Variants in LIPK observed in about 807,000 individuals in gnomAD.
The protein encoded by LIPK is lipase member K.
Under a neutral mutation model 48.6 loss-of-function variants are expected in LIPK, and 32 were observed. That is an observed-to-expected ratio of 0.66 (90% CI 0.50 to 0.88). The LOEUF is 0.88. LIPK is among the 40% of genes least tolerant of loss of function. The probability of loss-of-function intolerance (pLI) is 0.00; values close to 1 mark genes in which losing one functional copy is unlikely to be tolerated. For missense variants in LIPK, 507 were observed against 478.5 expected, an observed-to-expected ratio of 1.06 and a Z score of -0.56; for synonymous variants, 164 against 157.4, an observed-to-expected ratio of 1.04 and a Z score of -0.32.
In LIPK at chr10:88,726,787, C is replaced by T; in HGVS notation, c.106-8C>T. ...CATGAAGGTATATATTTCCTTTCCT[C>T]TTTTTAGAGCCAGATTATTTCTTAC... On this transcript the variant is annotated splice_polypyrimidine_tract_variant and splice_region_variant and intron_variant, in intron 2 of 9. Coordinates refer to ENST00000404190, the MANE Select transcript of LIPK (RefSeq NM_001080518.2). The T allele has an allele frequency of 7.1e-7, 1 of 1,398,882 alleles. No homozygotes were observed. The highest frequency in any genetic ancestry group is 1.0e-6 in the Non-Finnish European group (1 of 992,332). The allele number at this position is 1,398,882 out of a possible 1,614,324, so 86.7% of individuals were successfully genotyped here.
At chr10:88,745,643 A>C (rs1842754123) in intron 9 of LIPK, among the ~76,000 whole-genome samples, 1 of 152,216 alleles carries the variant, frequency 6.6e-6, no homozygotes, top group Non-Finnish European at 1.5e-5. Context: ...CTAAACATGG[A>C]AATAAAGACT....
intron 1 of LIPK, among the ~76,000 whole-genome samples, chr10:88,711,685 G>T (rs1842029819): frequency 6.6e-6 from 1 of 152,178 alleles, no homozygotes; most frequent in Non-Finnish European, 1.5e-5. Context: ...ATGTTGGCCA[G>T]GTGGGTCTTG....
chr10:88,708,931 G>A (rs1276788577), intron 1 of LIPK, among the ~76,000 whole-genome samples: 1 of 151,938 alleles, frequency 6.6e-6, no homozygotes, highest in South Asian at 2.1e-4. Context: ...TGACCATAAG[G>A]TTGCATTTTG....
chr10:88,707,008 A>G (rs1841948052), intron 1 of LIPK, among the ~76,000 whole-genome samples: 2 of 152,178 alleles, frequency 1.3e-5, no homozygotes, highest in South Asian at 4.1e-4. Flanking sequence ...GATGAAGATG[A>G]GTCAACTGGA....
chr10:88,721,213 T>G (rs1842219743), intron 1 of LIPK, among the ~76,000 whole-genome samples: 1 of 152,160 alleles, frequency 6.6e-6, no homozygotes, highest in South Asian at 2.1e-4. Flanking sequence ...ACCAGCAGAA[T>G]GTCGATGTGG....
chr10:88,714,156 A>G (rs1037566227), intron 1 of LIPK, among the ~76,000 whole-genome samples: 3 of 152,056 alleles, frequency 2.0e-5, no homozygotes, highest in Non-Finnish European at 2.9e-5. Flanking sequence ...AGCATTAATT[A>G]TAATTGTACC....
At chr10:88,731,320 C>T (rs921954337) in intron 4 of LIPK, 139 bp downstream of exon 4, 10 of 704,248 alleles carry the variant, frequency 1.4e-5, no homozygotes, top group African/African-American at 5.6e-5. Context: ...TCTTTCTCTA[C>T]CCAAACTTTC....
intron 9 of LIPK, among the ~76,000 whole-genome samples, chr10:88,743,642 C>G (rs1225013672): frequency 1.3e-5 from 2 of 152,000 alleles, no homozygotes; most frequent in Non-Finnish European, 2.9e-5. Context: ...AAGAGTTTCT[C>G]CCATTAAGAG....
At chr10:88,738,159 T>C (rs1842612208) in intron 7 of LIPK, among the ~76,000 whole-genome samples, 3 of 152,246 alleles carry the variant, frequency 2.0e-5, no homozygotes, top group African/African-American at 4.8e-5. Context: ...ACAGTTGATT[T>C]GGAAAGTTAT....
intron 9 of LIPK, among the ~76,000 whole-genome samples, chr10:88,750,933 AC>A (rs1248407442): frequency 2.0e-5 from 3 of 152,176 alleles, no homozygotes; most frequent in African/African-American, 4.8e-5. Flanking sequence ...CAAACAAAAA[AC>A]ATGTTTGTTT....
At chr10:88,737,600 T>C (rs1261924695) in intron 6 of LIPK, 35 bp from the exon 7 acceptor site, 2 of 1,608,628 alleles carry the variant, frequency 1.2e-6, no homozygotes, top group Admixed American at 3.3e-5. Context: ...TATCCACGCC[T>C]GTAAGATTTG....
chr10:88,729,221 C>T (rs925062611), intron 3 of LIPK, among the ~76,000 whole-genome samples: 7 of 127,508 alleles, frequency 5.5e-5, no homozygotes, highest in Admixed American at 5.1e-4. Context: ...AGAGCCAATT[C>T]TAGCTCCCCG....
intron 7 of LIPK, among the ~76,000 whole-genome samples, chr10:88,738,022 G>A (rs1195195499): frequency 6.6e-6 from 1 of 152,206 alleles, no homozygotes; most frequent in Admixed American, 6.5e-5. Context: ...CCTTCGCTTA[G>A]ATAAAGGCTA....
At chr10:88,746,553 A>G (rs1325693620) in intron 9 of LIPK, among the ~76,000 whole-genome samples, 1 of 152,202 alleles carries the variant, frequency 6.6e-6, no homozygotes, top group Non-Finnish European at 1.5e-5. Flanking sequence ...AGAAATCAAG[A>G]AATTCTTTGA....
At chr10:88,723,622 T>A (rs886771498) in intron 1 of LIPK, among the ~76,000 whole-genome samples, 3 of 152,146 alleles carry the variant, frequency 2.0e-5, no homozygotes, top group African/African-American at 7.2e-5. Context: ...TTCACAATTT[T>A]AAAAAAAGTT....
rs781358294 is a variant in LIPK at position 88,737,782 on chromosome 10, G to T, written c.816+1G>T. ...ATTTGATCCGCAAAACTTAAATATG[G>T]TAGGTGTAAGTAATTGGGTCTGGGA... On this transcript the variant is annotated splice_donor_variant, in intron 7 of 9. Coordinates refer to ENST00000404190, the MANE Select transcript of LIPK (RefSeq NM_001080518.2). LOFTEE classifies it high-confidence loss of function. The T allele has an allele frequency of 4.3e-6, 7 of 1,613,442 alleles. No individual in the cohort carries two copies. In the East Asian group the frequency reaches 1.6e-4, roughly 36 times the overall value.
intron 7 of LIPK, among the ~76,000 whole-genome samples, chr10:88,738,850 A>G (rs1389869112): frequency 1.3e-5 from 2 of 152,240 alleles, no homozygotes; most frequent in African/African-American, 4.8e-5. Flanking sequence ...AGCACCTTCA[A>G]GGACATTTGT....
intron 6 of LIPK, among the ~76,000 whole-genome samples, chr10:88,733,509 T>C (rs904789088): frequency 6.6e-6 from 1 of 152,180 alleles, no homozygotes; most frequent in African/African-American, 2.4e-5. Context: ...GAAGTTCATA[T>C]CTATACATCC....
At chr10:88,711,525 T>G (rs1412025545) in intron 1 of LIPK, among the ~76,000 whole-genome samples, 1 of 152,198 alleles carries the variant, frequency 6.6e-6, no homozygotes, top group Non-Finnish European at 1.5e-5. Flanking sequence ...CAGGCTGGAG[T>G]GCAGTGGCAC....
Sources: gnomAD v4.1 joint callset for allele counts (sites outside exome capture counted in the v4.1 genomes callset) on GRCh38, gnomAD v4.1.1 for gene constraint, MANE v1.5 for transcripts, NCBI Gene and HGNC (gene_info 2026-07-23, HGNC 2026-07-21) for gene names.